DNAJC1: variants seen among roughly 807,000 people sequenced by gnomAD.
DNAJC1 encodes DnaJ heat shock protein family (Hsp40) member C1, also known as dnaJ homolog subfamily C member 1.
DNAJC1 carries 58 observed loss-of-function variants against 76.6 expected under a neutral mutation model. The ratio of observed to expected loss-of-function variants is 0.76; its 90% CI spans 0.61 to 0.94. The LOEUF (loss-of-function observed/expected upper bound fraction) is 0.94, where lower values mean the gene tolerates loss of function less well. Among genes scored for constraint, DNAJC1 ranks in the 40% least tolerant of loss-of-function variants. The pLI is 0.00. For missense variants in DNAJC1, 689 were observed against 677.3 expected, an observed-to-expected ratio of 1.02 and a Z score of -0.19; for synonymous variants, 258 against 267.9, an observed-to-expected ratio of 0.96 and a Z score of 0.36.
rs571686063 is a variant in DNAJC1 at position 21,972,334 on chromosome 10, A to G, written c.222+30879T>C. 3.3e-5 allele frequency among the ~76,000 whole-genome samples: 5 copies of G among 152,112 alleles called. No individual in the cohort carries two copies. The South Asian group carries it at 1.0e-3, about 31-fold the overall frequency. On this transcript the variant is annotated intron_variant, in intron 1 of 11. Transcript: ENST00000376980. The stretch of plus-strand genomic sequence containing the variant: ...TATTTTGAGTAGCACTGCCTCAGGT[A>G]GGGATCAAGAAAGACATTACACAAA...
At chr10:21,771,100 G>A (rs1448156371) in intron 9 of DNAJC1, among the ~76,000 whole-genome samples, 2 of 151,984 alleles carry the variant, frequency 1.3e-5, no homozygotes, top group Non-Finnish European at 2.9e-5. Context: ...GTTGTTCATT[G>A]TAAATGTATA....
intron 8 of DNAJC1, among the ~76,000 whole-genome samples, chr10:21,856,837 A>G (rs1243205956): frequency 6.6e-6 from 1 of 152,080 alleles, no homozygotes; most frequent in African/African-American, 2.4e-5. Flanking sequence ...CCGGAGTTCA[A>G]GCGATTCTCC....
At chr10:21,921,411 G>A (rs960146617) in intron 3 of DNAJC1, among the ~76,000 whole-genome samples, 2 of 151,988 alleles carry the variant, frequency 1.3e-5, no homozygotes, top group Admixed American at 6.6e-5. Context: ...TTTCTAGTCA[G>A]TGCTTTTATG....
intron 9 of DNAJC1, chr10:21,803,661 T>TG (rs1834843627): frequency 5.7e-6 from 1 of 175,478 alleles, no homozygotes; most frequent in Non-Finnish European, 1.1e-5. Flanking sequence ...ATGCATGTGT[T>TG]GGGGGACAGG....
At chr10:21,891,478 A>G (rs191919983) in intron 7 of DNAJC1, among the ~76,000 whole-genome samples, 1,595 of 141,994 alleles carry the variant, frequency 0.011, 24 homozygotes, top group African/African-American at 0.04. Flanking sequence ...AAAGTAGACA[A>G]AAAAAAAAAA....
At chr10:21,927,550 A>C (rs1837149553) in intron 3 of DNAJC1, among the ~76,000 whole-genome samples, 1 of 152,226 alleles carries the variant, frequency 6.6e-6, no homozygotes, top group Non-Finnish European at 1.5e-5. Context: ...ATTGTGGTCC[A>C]CTAGTGTCTC....
chr10:21,771,160 T>C (rs1298210037), intron 9 of DNAJC1, among the ~76,000 whole-genome samples: 1 of 152,242 alleles, frequency 6.6e-6, no homozygotes, highest in East Asian at 1.9e-4. Context: ...GCAACCTTGC[T>C]AAACTCATTT....
At chr10:21,930,187 G>A (rs1017165690) in intron 1 of DNAJC1, among the ~76,000 whole-genome samples, 2 of 152,184 alleles carry the variant, frequency 1.3e-5, no homozygotes, top group Admixed American at 6.5e-5. Context: ...GGTTGGCCAG[G>A]CTGGTCTCGA....
intron 8 of DNAJC1, among the ~76,000 whole-genome samples, chr10:21,879,238 G>T (rs948620166): frequency 6.6e-6 from 1 of 152,198 alleles, no homozygotes. Context: ...ATACCTCAGA[G>T]ATATTCCAAG....
At chr10:21,869,621 C>A (rs761171652) in intron 8 of DNAJC1, among the ~76,000 whole-genome samples, 1 of 152,054 alleles carries the variant, frequency 6.6e-6, no homozygotes, top group South Asian at 2.1e-4. Flanking sequence ...TCAGAATAAA[C>A]CTCTTTAAAT....
rs552096685 is a variant in DNAJC1 at position 21,929,595 on chromosome 10, T to G, written c.223-454A>C. Among the ~76,000 whole-genome samples, 11 of 152,310 alleles carry G rather than the reference T, an allele frequency of 7.2e-5. No individual in the cohort carries two copies. In the East Asian group the frequency reaches 2.1e-3, roughly 29 times the overall value. On this transcript the variant is annotated intron_variant, in intron 1 of 11. Transcript: ENST00000376980. ...TCTATTATTTATATTGAGTTTATCA[T>G]CTCAGCAACAACCTATGGAATCTCA...
chr10:21,849,292 C>CAAAAAAAA lies in DNAJC1; in HGVS notation c.978+32982_978+32989dup, dbSNP rs33953332. Among the ~76,000 whole-genome samples the CAAAAAAAA allele has an allele frequency of 9.8e-4, 35 of 35,850 alleles. 3 individuals carry two copies. Among genetic ancestry groups the CAAAAAAAA allele is most frequent in the African/African-American group, 2.4e-3 (19 of 8,080 alleles). The allele number at this position is 35,850 out of a possible 152,430, so 23.5% of individuals were successfully genotyped here. A position where few individuals can be genotyped will look rare whatever the true frequency, so the allele number is the denominator to read the frequency against. On this transcript the variant is annotated intron_variant, in intron 8 of 11. Coordinates refer to ENST00000376980, the MANE Select transcript of DNAJC1 (RefSeq NM_022365.4). ...TGGGTGACAGAGTGGGACTCCGCCT[C>CAAAAAAAA]AAAAAAAAAAAAAAAAAAAAAAAAA...
chr10:21,809,633 T>C (rs181030886), intron 8 of DNAJC1, among the ~76,000 whole-genome samples: 15 of 151,898 alleles, frequency 9.9e-5, no homozygotes, highest in Admixed American at 9.9e-4. Flanking sequence ...TAATATGTAT[T>C]AGATGGGATG....
intron 1 of DNAJC1, among the ~76,000 whole-genome samples, chr10:21,950,270 C>T (rs2131806640): frequency 6.6e-6 from 1 of 152,256 alleles, no homozygotes; most frequent in South Asian, 2.1e-4. Flanking sequence ...CGCAACATTT[C>T]AAACATTTTC....
intron 7 of DNAJC1, among the ~76,000 whole-genome samples, chr10:21,885,205 G>A (rs1293073556): frequency 6.6e-6 from 1 of 151,894 alleles, no homozygotes; most frequent in Non-Finnish European, 1.5e-5. Flanking sequence ...GAAAAAAGCA[G>A]GGGTTGCAAT....
intron 8 of DNAJC1, among the ~76,000 whole-genome samples, chr10:21,866,875 T>G (rs1238880747): frequency 6.6e-6 from 1 of 152,082 alleles, no homozygotes; most frequent in African/African-American, 2.4e-5. Flanking sequence ...AACTAGAACA[T>G]CCTCATGTGT....
At position 21,805,239 on chromosome 10, in the gene DNAJC1, A is replaced by G. The variant is rs181176740; in HGVS notation, c.1098+741T>C. On this transcript the variant is annotated intron_variant, in intron 9 of 11. Transcript: ENST00000376980. ...TAAAGCATATTTACTATCCCTCATG[A>G]AAATATCAATTTGATAAAAATAATA... Among the ~76,000 whole-genome samples, 19 of 152,220 alleles carry G rather than the reference A, an allele frequency of 1.2e-4. 1 individual carries two copies. The East Asian group carries it at 3.5e-3, about 28-fold the overall frequency.
intron 7 of DNAJC1, among the ~76,000 whole-genome samples, chr10:21,883,251 A>ACACAC (rs1836311121): frequency 1.6e-5 from 2 of 128,954 alleles, no homozygotes; most frequent in African/African-American, 5.7e-5. Flanking sequence ...TTCTATCTCA[A>ACACAC]ACACACACAC....
At chr10:21,783,832 G>C (rs1589978874) in intron 9 of DNAJC1, among the ~76,000 whole-genome samples, 1 of 152,144 alleles carries the variant, frequency 6.6e-6, no homozygotes, top group Non-Finnish European at 1.5e-5. Context: ...ATGGTGCTGG[G>C]AAAACTGGCT....
Sources: gnomAD v4.1 joint callset for allele counts (sites outside exome capture counted in the v4.1 genomes callset) on GRCh38, gnomAD v4.1.1 for gene constraint, MANE v1.5 for transcripts, NCBI Gene and HGNC (gene_info 2026-07-23, HGNC 2026-07-21) for gene names.